The following ASIC2 variants were observed in gnomAD, a reference collection of about 807,000 sequenced individuals.
ASIC2 encodes acid-sensing ion channel 2.
Under a neutral mutation model 57.3 loss-of-function variants are expected in ASIC2, and 25 were observed. The ratio of observed to expected loss-of-function variants is 0.44; its 90% CI spans 0.32 to 0.61. The LOEUF (loss-of-function observed/expected upper bound fraction) is 0.61, where lower values mean the gene tolerates loss of function less well. Ranked by LOEUF, ASIC2 falls within the 20% of genes least tolerant of loss-of-function variation. The pLI is 0.06. For synonymous variants in ASIC2, 319 were observed against 307.5 expected (o/e 1.04, Z -0.39); for missense variants, 641 against 738.1 (o/e 0.87, Z 1.52).
chr17:34,155,446 A>C, intron 1 of ASIC2: 1 of 161,174 alleles, frequency 6.2e-6, no homozygotes, highest in Non-Finnish European at 1.3e-5. Flanking sequence ...CACCTGCTCC[A>C]GCAAGCTCCC....
chr17:33,940,150 A>G (rs1243918434), intron 1 of ASIC2, among the ~76,000 whole-genome samples: 1 of 152,204 alleles, frequency 6.6e-6, no homozygotes, highest in Non-Finnish European at 1.5e-5. Flanking sequence ...CTAACTAGGC[A>G]GCGTGCCCAA....
chr17:33,038,696 T>C (rs2091918913), intron 3 of ASIC2, among the ~76,000 whole-genome samples: 1 of 152,228 alleles, frequency 6.6e-6, no homozygotes, highest in African/African-American at 2.4e-5. Flanking sequence ...TGCATGTCTT[T>C]CATTGCTCCA....
chr17:33,047,791 T>C (rs1262381906), intron 3 of ASIC2, among the ~76,000 whole-genome samples: 2 of 152,244 alleles, frequency 1.3e-5, no homozygotes, highest in African/African-American at 4.8e-5. Flanking sequence ...GGGTACATCA[T>C]GAAAACTTTG....
At chr17:33,283,063 GC>G (rs1473031706) in intron 1 of ASIC2, among the ~76,000 whole-genome samples, 1 of 152,154 alleles carries the variant, frequency 6.6e-6, no homozygotes, top group African/African-American at 2.4e-5. Context: ...CCCCAGCTAG[GC>G]CCTGGCCCTC....
intron 1 of ASIC2, among the ~76,000 whole-genome samples, chr17:34,012,567 C>T (rs573814851): frequency 6.6e-6 from 1 of 152,194 alleles, no homozygotes; most frequent in Non-Finnish European, 1.5e-5. Context: ...CCTGATGAGC[C>T]CTCTCAGCCT....
intron 3 of ASIC2, among the ~76,000 whole-genome samples, chr17:33,054,771 C>T (rs1020729439): frequency 2.0e-5 from 3 of 152,174 alleles, no homozygotes; most frequent in Admixed American, 2.0e-4. Flanking sequence ...GGTAAGATGT[C>T]CTATTTATTG....
chr17:33,747,641 C>T (rs1910308519), intron 1 of ASIC2, among the ~76,000 whole-genome samples: 1 of 152,264 alleles, frequency 6.6e-6, no homozygotes, highest in African/African-American at 2.4e-5. Flanking sequence ...CAGGTCATGC[C>T]ACCTCTCCCT....
At chr17:33,986,914 G>A (rs1905839072) in intron 1 of ASIC2, among the ~76,000 whole-genome samples, 1 of 152,158 alleles carries the variant, frequency 6.6e-6, no homozygotes, top group African/African-American at 2.4e-5. Flanking sequence ...AAATGCCAAG[G>A]TACGGAATCA....
chr17:33,555,425 C>CT (rs1052865796), intron 1 of ASIC2, among the ~76,000 whole-genome samples: 1 of 151,076 alleles, frequency 6.6e-6, no homozygotes, highest in Non-Finnish European at 1.5e-5. Context: ...AAAGTGAGAC[C>CT]CCCCAGCAAC....
At chr17:33,467,533 T>C (rs748722542) in intron 1 of ASIC2, among the ~76,000 whole-genome samples, 7 of 152,210 alleles carry the variant, frequency 4.6e-5, no homozygotes, top group Admixed American at 1.3e-4. Context: ...TTTAGAATTA[T>C]TGCTAGAACA....
chr17:33,723,805 T>A (rs1222566129), intron 1 of ASIC2, among the ~76,000 whole-genome samples: 1 of 152,226 alleles, frequency 6.6e-6, no homozygotes, highest in East Asian at 1.9e-4. Flanking sequence ...TCTGAATGCT[T>A]ACCAAGATGC....
intron 1 of ASIC2, among the ~76,000 whole-genome samples, chr17:33,856,508 T>A (rs317347): frequency 0.031 from 618 of 20,244 alleles, 9 homozygotes; most frequent in South Asian, 0.048. Flanking sequence ...TTGTCAGTAG[T>A]AGTGGTGGTG....
At chr17:33,656,895 T>C (rs1351419139) in intron 1 of ASIC2, among the ~76,000 whole-genome samples, 1 of 152,084 alleles carries the variant, frequency 6.6e-6, no homozygotes, top group Non-Finnish European at 1.5e-5. Flanking sequence ...CTTGTGAAGG[T>C]GTTGTTGGGA....
intron 1 of ASIC2, among the ~76,000 whole-genome samples, chr17:34,060,548 A>C (rs908656494): frequency 1.3e-5 from 2 of 152,226 alleles, no homozygotes; most frequent in African/African-American, 4.8e-5. Flanking sequence ...TAAGCTAATC[A>C]GGAAGGGACC....
chr17:33,312,156 T>C (rs1234273634), intron 1 of ASIC2, among the ~76,000 whole-genome samples: 2 of 152,366 alleles, frequency 1.3e-5, no homozygotes, highest in Non-Finnish European at 1.5e-5. Flanking sequence ...ATAATATTGA[T>C]ACTGTAGATT....
intron 1 of ASIC2, among the ~76,000 whole-genome samples, chr17:33,957,984 C>T (rs117491983): frequency 0.024 from 3,627 of 152,304 alleles, 66 homozygotes; most frequent in Middle Eastern, 0.048. Flanking sequence ...GAGAAATTGG[C>T]CTAAACAAAA....
At chr17:34,108,849 A>G (rs1379637292) in intron 1 of ASIC2, among the ~76,000 whole-genome samples, 1 of 152,076 alleles carries the variant, frequency 6.6e-6, no homozygotes, top group Non-Finnish European at 1.5e-5. Context: ...TTCCTCACTT[A>G]TTGACCCTTA....
intron 1 of ASIC2, among the ~76,000 whole-genome samples, chr17:34,089,443 T>A (rs1011026127): frequency 1.3e-5 from 2 of 152,118 alleles, no homozygotes; most frequent in African/African-American, 4.8e-5. Flanking sequence ...GCCCTGGGCC[T>A]CTCTGGGCTC....
chr17:34,062,214 A>G (rs1908994691), intron 1 of ASIC2, among the ~76,000 whole-genome samples: 1 of 152,166 alleles, frequency 6.6e-6, no homozygotes, highest in Non-Finnish European at 1.5e-5. Context: ...ATCAACTCCA[A>G]AAGGAACCTT....
Sources: gnomAD v4.1 joint callset for allele counts (sites outside exome capture counted in the v4.1 genomes callset) on GRCh38, gnomAD v4.1.1 for gene constraint, MANE v1.5 for transcripts, NCBI Gene and HGNC (gene_info 2026-07-23, HGNC 2026-07-21) for gene names.